AK9: variants seen among roughly 807,000 people sequenced by gnomAD.
The protein encoded by AK9 is adenylate kinase 9, also known as adenylate kinase domain containing 1.
Under a neutral mutation model 239.6 loss-of-function variants are expected in AK9, and 191 were observed. The observed-to-expected ratio is 0.80, with a 90% CI of 0.71 to 0.90. AK9 has a LOEUF of 0.90. Among genes scored for constraint, AK9 ranks in the 40% least tolerant of loss-of-function variants. The pLI, the probability that AK9 is intolerant of heterozygous loss-of-function variation, is 0.00. For synonymous variants in AK9, 689 were observed against 721.0 expected, an observed-to-expected ratio of 0.96 and a Z score of 0.71; for missense variants, 1,995 against 2,214.7, an observed-to-expected ratio of 0.90 and a Z score of 1.99.
chr6:109,543,098 T>G (rs546141927), intron 26 of AK9, among the ~76,000 whole-genome samples: 1 of 152,330 alleles, frequency 6.6e-6, no homozygotes, highest in Non-Finnish European at 1.5e-5. Context: ...AGGATTATAA[T>G]GTAATAACAA....
rs1014582914 is a variant in AK9 at position 109,546,143 on chromosome 6, G to A, written c.2965-16C>T. 1 of 1,554,882 alleles carries A rather than the reference G, an allele frequency of 6.4e-7. No individual in the cohort carries two copies. Among genetic ancestry groups the A allele is most frequent in the Non-Finnish European group, 8.7e-7 (1 of 1,145,974 alleles). The stretch of plus-strand genomic sequence containing the variant: ...ATGGAGGAGCCTGTCACAGGGGGTG[G>A]GTCAGGGAGGGGTGGGATAAAGGGA... On this transcript the variant is annotated splice_polypyrimidine_tract_variant and intron_variant, in intron 25 of 40. Coordinates refer to ENST00000424296, the MANE Select transcript of AK9 (RefSeq NM_001145128.3).
At chr6:109,561,704 T>C (rs1387131780) in intron 24 of AK9, among the ~76,000 whole-genome samples, 1 of 152,234 alleles carries the variant, frequency 6.6e-6, no homozygotes, top group Non-Finnish European at 1.5e-5. Context: ...TATCCTTATC[T>C]TTGTTCCTGT....
At position 109,564,124 on chromosome 6, in the gene AK9, C is replaced by G. The variant is rs1447182818; in HGVS notation, c.2591G>C (p.Arg864Thr). 6.4e-7 allele frequency: 1 copy of G among 1,551,292 alleles called. No homozygotes were observed. Among genetic ancestry groups the G allele is most frequent in the African/African-American group, 1.4e-5 (1 of 73,030 alleles). The stretch of plus-strand genomic sequence containing the variant: ...TTTTTGAAGTAATTCCTGTGGAGTT[C>G]TGTCAGCAATCTCCAAGTTTAAAAT... ...IKILNLEIAD[R>T]TPQELLQKVV... Residue 864 changes from arginine to threonine, a missense_variant, in exon 23 of 41, where the codon AGA becomes ACA. By Grantham distance (71) the Arg-to-Thr change is moderately conservative (BLOSUM62 -1). This residue lies in a region of AK9 where 1,290 missense variants were observed against 1,392.7 expected (regional missense o/e 0.93). Coordinates refer to ENST00000424296, the MANE Select transcript of AK9 (RefSeq NM_001145128.3).
chr6:109,669,115 C>T (rs1801693819), intron 5 of AK9, among the ~76,000 whole-genome samples: 1 of 150,980 alleles, frequency 6.6e-6, no homozygotes, highest in South Asian at 2.1e-4. Flanking sequence ...CCTTCACATC[C>T]CTTGTAAGTT....
chr6:109,523,232 A>G (rs1780060471), intron 29 of AK9, among the ~76,000 whole-genome samples: 1 of 134,188 alleles, frequency 7.5e-6, no homozygotes, highest in Non-Finnish European at 1.7e-5. Flanking sequence ...AATCTTCACA[A>G]AAGATCATCT....
chr6:109,569,259 C>A (rs1485992181), intron 21 of AK9, among the ~76,000 whole-genome samples: 2 of 152,152 alleles, frequency 1.3e-5, no homozygotes, highest in Non-Finnish European at 1.5e-5. Context: ...CCCTTCCTTA[C>A]ATCTTATACA....
chr6:109,674,833 G>C (rs1201330117), intron 2 of AK9, among the ~76,000 whole-genome samples: 1 of 152,168 alleles, frequency 6.6e-6, no homozygotes, highest in Non-Finnish European at 1.5e-5. Context: ...CCATTTATTG[G>C]TACCTGTCCC....
At chr6:109,612,800 T>C (rs1011495066) in intron 15 of AK9, among the ~76,000 whole-genome samples, 1 of 151,790 alleles carries the variant, frequency 6.6e-6, no homozygotes, top group African/African-American at 2.4e-5. Context: ...AGCTCTACAT[T>C]ATTTAACAAA....
At chr6:109,559,594 T>C (rs1785482977) in intron 24 of AK9, among the ~76,000 whole-genome samples, 1 of 152,248 alleles carries the variant, frequency 6.6e-6, no homozygotes, top group Admixed American at 6.5e-5. Flanking sequence ...TTCTTGATCC[T>C]ATTTTGAAAG....
At position 109,563,595 on chromosome 6, in the gene AK9, G is replaced by C. The variant is rs1562413647; in HGVS notation, c.2751+2C>G. ...GAATGAGTAGAAATAAAAGAATCAT[G>C]CCTCTTCCTCTTCCTCTTCCTCTAG... On this transcript the variant is annotated splice_donor_variant, in intron 24 of 40. Transcript: ENST00000424296. LOFTEE classifies it high-confidence loss of function. 1.9e-6 allele frequency: 3 copies of C among 1,549,814 alleles called. No homozygotes were observed. The highest frequency in any genetic ancestry group is 2.6e-6 in the Non-Finnish European group (3 of 1,146,702).
In AK9 at chr6:109,606,257, G is replaced by A. The variant is rs201214844; in HGVS notation, c.1842+4108C>T. The stretch of plus-strand genomic sequence containing the variant: ...CTTTATATTTTATCACTTGTGAATA[G>A]ATAGATAGATAGATAGATAGATAGA... On this transcript the variant is annotated intron_variant, in intron 17 of 40. Transcript: ENST00000424296. Among the ~76,000 whole-genome samples, 5 of 36,554 alleles carry A rather than the reference G, an allele frequency of 1.4e-4. No individual in the cohort carries two copies. In the East Asian group the frequency reaches 2.5e-3, roughly 18 times the overall value. The allele number at this position is 36,554 out of a possible 152,430, so 24.0% of individuals were successfully genotyped here.
rs140667664 is a variant in AK9 at position 109,652,103 on chromosome 6, A to G, written c.759+4653T>C. ...AAAGCCTGTCAGAGAAACAACAAAAAAAGAGAATTTTAGACCAAGATCCCT... is the reference window on the plus strand; with the variant it reads ...AAAGCCTGTCAGAGAAACAACAAAAGAAGAGAATTTTAGACCAAGATCCCT... On this transcript the variant is annotated intron_variant, in intron 8 of 40. Coordinates refer to ENST00000424296, the MANE Select transcript of AK9 (RefSeq NM_001145128.3). Among the ~76,000 whole-genome samples the G allele has an allele frequency of 3.6e-4, 55 of 152,334 alleles. No homozygotes were observed. The East Asian group carries it at 0.01, about 29-fold the overall frequency.
chr6:109,547,743 T>C (rs1336526702), intron 25 of AK9, among the ~76,000 whole-genome samples: 1 of 147,630 alleles, frequency 6.8e-6, no homozygotes, highest in African/African-American at 2.5e-5. Flanking sequence ...GAAAATAACA[T>C]AGTAAAGAGA....
intron 29 of AK9, among the ~76,000 whole-genome samples, chr6:109,522,123 G>C (rs527570837): frequency 3.9e-4 from 60 of 151,954 alleles, no homozygotes; most frequent in Non-Finnish European, 6.0e-4. Flanking sequence ...TTACTATCCA[G>C]TATTGTTACT....
intron 10 of AK9, among the ~76,000 whole-genome samples, chr6:109,636,091 G>A (rs1400993822): frequency 1.3e-5 from 2 of 152,130 alleles, no homozygotes; most frequent in African/African-American, 4.8e-5. Flanking sequence ...AGGCTGTACC[G>A]CTGAATTCAA....
chr6:109,619,020 G>A lies in AK9; in HGVS notation c.1399+72C>T, dbSNP rs554626276. 1.2e-4 allele frequency: 174 copies of A among 1,457,368 alleles called. No homozygotes were observed. The Middle Eastern group carries it at 3.7e-3, about 31-fold the overall frequency. 90.3% of individuals were successfully genotyped at this position (1,457,368 alleles called of 1,614,324 possible). On this transcript the variant is annotated intron_variant, in intron 13 of 40. Coordinates refer to ENST00000424296, the MANE Select transcript of AK9 (RefSeq NM_001145128.3). ...AGAATGCCAAGATGAGCTAAACAAA[G>A]TCCTTGCTTTCAAGTAGCCCGGCTT...
At chr6:109,610,586 G>T in intron 16 of AK9, 73 bp from the exon 17 acceptor site, 2 of 1,405,924 alleles carry the variant, frequency 1.4e-6, no homozygotes, top group Non-Finnish European at 1.9e-6. Context: ...AATAAAACAT[G>T]ATTGATAATA....
At chr6:109,603,525 C>T (rs1414938520) in intron 17 of AK9, among the ~76,000 whole-genome samples, 1 of 152,276 alleles carries the variant, frequency 6.6e-6, no homozygotes, top group East Asian at 1.9e-4. Flanking sequence ...GGTCAGGGAC[C>T]CACTTGAGGA....
intron 12 of AK9, 113 bp from the exon 13 acceptor site, chr6:109,619,349 A>C (rs1794555146): frequency 8.8e-7 from 1 of 1,140,660 alleles, no homozygotes; most frequent in African/African-American, 1.6e-5. Context: ...TTCCAAAAAT[A>C]TTAATACTGC....
Sources: gnomAD v4.1 joint callset for allele counts (sites outside exome capture counted in the v4.1 genomes callset) on GRCh38, gnomAD v4.1.1 for gene constraint, gnomAD v4.1.1 regional missense constraint, MANE v1.5 for transcripts, NCBI Gene and HGNC (gene_info 2026-07-23, HGNC 2026-07-21) for gene names.